Variants in GBE1 observed in about 807,000 individuals in gnomAD.
GBE1 encodes 1,4-alpha-glucan-branching enzyme.
Under a neutral mutation model 88.8 loss-of-function variants are expected in GBE1, and 70 were observed. The ratio of observed to expected loss-of-function variants is 0.79; its 90% CI spans 0.65 to 0.96. GBE1 has a LOEUF of 0.96. GBE1 is among the 40% of genes least tolerant of loss of function. The pLI, the probability that GBE1 is intolerant of heterozygous loss-of-function variation, is 0.00. For missense variants in GBE1, 872 were observed against 871.0 expected (o/e 1.00, Z -0.01); for synonymous variants, 284 against 300.1 (o/e 0.95, Z 0.56).
chr3:81,615,485 T>C (rs946579113), intron 7 of GBE1, among the ~76,000 whole-genome samples: 10 of 152,176 alleles, frequency 6.6e-5, no homozygotes, highest in Non-Finnish European at 1.5e-4. Flanking sequence ...TTCTTCTCCA[T>C]TTCTTTGTCA....
At chr3:81,704,650 T>G (rs1191973623) in intron 2 of GBE1, among the ~76,000 whole-genome samples, 3 of 152,130 alleles carry the variant, frequency 2.0e-5, no homozygotes, top group African/African-American at 7.2e-5. Flanking sequence ...ATTAAAGGAT[T>G]ATGATCATTT....
intron 3 of GBE1, among the ~76,000 whole-genome samples, chr3:81,666,328 C>T (rs1576191931): frequency 6.6e-6 from 1 of 152,292 alleles, no homozygotes; most frequent in South Asian, 2.1e-4. Flanking sequence ...AGAAGGGCTA[C>T]TTTTCTTTCC....
At chr3:81,706,830 T>C (rs1175406499) in intron 1 of GBE1, among the ~76,000 whole-genome samples, 1 of 151,632 alleles carries the variant, frequency 6.6e-6, no homozygotes, top group Admixed American at 6.6e-5. Context: ...AATGGAGGAA[T>C]AAAGTATATC....
chr3:81,582,368 T>C (rs1191100756), intron 10 of GBE1, among the ~76,000 whole-genome samples: 2 of 152,094 alleles, frequency 1.3e-5, no homozygotes, highest in Non-Finnish European at 2.9e-5. Flanking sequence ...AGCCAAGGAA[T>C]ATAGGCAGCT....
intron 12 of GBE1, among the ~76,000 whole-genome samples, chr3:81,542,751 T>A (rs1443885549): frequency 2.6e-5 from 4 of 152,064 alleles, no homozygotes; most frequent in Admixed American, 1.3e-4. Context: ...TTGGGTACTA[T>A]GTTCACCACC....
At position 81,593,760 on chromosome 3, in the gene GBE1, G is replaced by A. The variant is rs1183001753; in HGVS notation, c.1108+148C>T. ...ATTACCTTTTGTTTACTTATAAAAT[G>A]TACTTATAATCTACCTTTTGCCAAA... is the stretch of plus-strand genomic sequence containing the variant. On this transcript the variant is annotated intron_variant, in intron 8 of 15. Coordinates refer to ENST00000429644, the MANE Select transcript of GBE1 (RefSeq NM_000158.4). 14 of 561,724 alleles carry A rather than the reference G, an allele frequency of 2.5e-5. No individual in the cohort carries two copies. The African/African-American group carries it at 2.8e-4, about 11-fold the overall frequency. The allele number at this position is 561,724 out of a possible 1,614,324, so 34.8% of individuals were successfully genotyped here.
chr3:81,558,494 G>A (rs191971058), intron 12 of GBE1, among the ~76,000 whole-genome samples: 8 of 152,140 alleles, frequency 5.3e-5, no homozygotes, highest in Non-Finnish European at 8.8e-5. Flanking sequence ...ATAGCAAAAT[G>A]TCTGCTAATT....
rs778463142 is a variant in GBE1, at chr3:81,514,364, TTAAA to T, written c.1935-15141_1935-15138del. ...ATCATTTCATTCAGTTATATGTTAA[TTAAA>T]TAATTTTATTTGATATTATCTAAAC... On this transcript the variant is annotated intron_variant, in intron 14 of 15. Coordinates refer to ENST00000429644, the MANE Select transcript of GBE1 (RefSeq NM_000158.4). Among the ~76,000 whole-genome samples, 171 of 151,818 alleles carry T rather than the reference TTAAA, an allele frequency of 1.1e-3. 1 individual carries two copies. The Middle Eastern group carries it at 0.017, about 15-fold the overall frequency.
chr3:81,550,112 T>C lies in GBE1; in HGVS notation c.1619-13017A>G, dbSNP rs532708355. On this transcript the variant is annotated intron_variant, in intron 12 of 15. Transcript: ENST00000429644. ...CAGCTTGGTTCCAACAATTGCCCAGTTCATGGAAAGCCTTCTAATTCAGTT... is the reference window on the plus strand; with the variant it reads ...CAGCTTGGTTCCAACAATTGCCCAGCTCATGGAAAGCCTTCTAATTCAGTT... Among the ~76,000 whole-genome samples, 10 of 151,622 alleles carry C rather than the reference T, an allele frequency of 6.6e-5. No individual in the cohort carries two copies. In the South Asian group the frequency reaches 1.9e-3, roughly 28 times the overall value.
chr3:81,634,670 C>T (rs1187829645), intron 7 of GBE1, among the ~76,000 whole-genome samples: 1 of 152,098 alleles, frequency 6.6e-6, no homozygotes, highest in African/African-American at 2.4e-5. Flanking sequence ...AGGTATTTTA[C>T]TTTACATAAA....
At chr3:81,743,512 C>T in intron 1 of GBE1, 1 of 1,302,672 alleles carries the variant, frequency 7.7e-7, no homozygotes, top group Non-Finnish European at 1.1e-6. Context: ...CCCTCTCTTA[C>T]AGGCAAAGAC....
chr3:81,556,901 ATGTCACTTACAATG>A (rs1457643573), intron 12 of GBE1, among the ~76,000 whole-genome samples: 97 of 152,214 alleles, frequency 6.4e-4, no homozygotes, highest in African/African-American at 2.2e-3. Context: ...AATTTGTAAT[ATGTCACTTACAATG>A]TGTAACCTCC....
rs376123178 is a variant in GBE1, at chr3:81,490,494, G to A, written c.2053-31C>T. The A allele has an allele frequency of 1.6e-4, 246 of 1,569,466 alleles. 1 individual carries two copies. The African/African-American group carries it at 3.0e-3, about 19-fold the overall frequency. On this transcript the variant is annotated intron_variant, in intron 15 of 15. Transcript: ENST00000429644. ...TCAAAACAATTATGTCAGTGCAATT[G>A]AAGAAAGTACCAAACGGCCTGTCAT...
chr3:81,745,988 C>A (rs992409983), intron 1 of GBE1, among the ~76,000 whole-genome samples: 8 of 152,022 alleles, frequency 5.3e-5, no homozygotes, highest in Admixed American at 4.6e-4. Context: ...AGGCTAATTT[C>A]ATTTAGATAA....
intron 1 of GBE1, 45 bp from the exon 2 acceptor site, chr3:81,705,658 C>T: frequency 1.5e-6 from 2 of 1,341,834 alleles, no homozygotes; most frequent in Non-Finnish European, 2.0e-6. Context: ...ATTAAATAGT[C>T]TTCTAGAAAA....
intron 12 of GBE1, among the ~76,000 whole-genome samples, chr3:81,556,696 T>A (rs1314218010): frequency 6.6e-6 from 1 of 152,112 alleles, no homozygotes; most frequent in East Asian, 1.9e-4. Flanking sequence ...GTAAACCCTG[T>A]GAAATGATGT....
intron 14 of GBE1, among the ~76,000 whole-genome samples, chr3:81,527,101 C>A (rs538585038): frequency 1.3e-5 from 2 of 151,928 alleles, no homozygotes; most frequent in Non-Finnish European, 2.9e-5. Flanking sequence ...ACAAATCTGA[C>A]AAAAACAAGC....
At chr3:81,581,036 C>T (rs1576157585) in intron 11 of GBE1, 129 bp downstream of exon 11, 2 of 595,368 alleles carry the variant, frequency 3.4e-6, no homozygotes, top group East Asian at 5.9e-5. Flanking sequence ...CACACACACA[C>T]ATACACACAT....
At chr3:81,723,824 G>A (rs1706071324) in intron 1 of GBE1, among the ~76,000 whole-genome samples, 5 of 152,164 alleles carry the variant, frequency 3.3e-5, no homozygotes. Flanking sequence ...AGGCAGCCAT[G>A]TAATTATGTA....
Sources: allele counts gnomAD v4.1 joint callset (sites outside exome capture counted in the v4.1 genomes callset), GRCh38; gene constraint gnomAD v4.1.1; transcripts MANE v1.5; gene names NCBI Gene and HGNC (gene_info 2026-07-23, HGNC 2026-07-21).